UGT2A1: variants seen among roughly 807,000 people sequenced by gnomAD.
The protein encoded by UGT2A1 is UDP-glucuronosyltransferase 2A1.
Under a neutral mutation model 45.4 loss-of-function variants are expected in UGT2A1, and 61 were observed. The observed-to-expected ratio is 1.34, with a 90% CI of 1.09 to 1.66. The LOEUF (loss-of-function observed/expected upper bound fraction) is 1.66. Among genes scored for constraint, UGT2A1 ranks in the 40% most tolerant of loss-of-function variants. The pLI is 0.00. For missense variants in UGT2A1, 649 were observed against 574.3 expected, an observed-to-expected ratio of 1.13 and a Z score of -1.33; for synonymous variants, 229 against 196.2, an observed-to-expected ratio of 1.17 and a Z score of -1.40.
chr4:69,638,208 AATC>A (rs989114022), intron 2 of UGT2A1, among the ~76,000 whole-genome samples: 18 of 152,230 alleles, frequency 1.2e-4, no homozygotes, highest in Admixed American at 9.2e-4. Flanking sequence ...CTGGAGGCAA[AATC>A]ATCAAGAGAG....
intron 3 of UGT2A1, among the ~76,000 whole-genome samples, chr4:69,617,258 A>T (rs1447150854): frequency 6.6e-6 from 1 of 151,922 alleles, no homozygotes; most frequent in African/African-American, 2.4e-5. Flanking sequence ...TTCTTCAAGC[A>T]GTTTATCAAG....
rs1721658425 is a variant in UGT2A1, at chr4:69,635,828, C to CAGAAAAAAAAAAAAAA, written c.716-7_716-6insTTTTTTTTTTTTTTCT. The CAGAAAAAAAAAAAAAA allele has an allele frequency of 2.0e-5, 1 of 49,134 alleles. No individual in the cohort carries two copies. Among genetic ancestry groups the CAGAAAAAAAAAAAAAA allele is most frequent in the African/African-American group, 6.6e-5 (1 of 15,138 alleles). The allele number at this position is 49,134 out of a possible 1,614,324, so 3.0% of individuals were successfully genotyped here. A position where few individuals can be genotyped will look rare whatever the true frequency, so the allele number is the denominator to read the frequency against. On this transcript the variant is annotated splice_region_variant and splice_polypyrimidine_tract_variant and intron_variant, in intron 2 of 6. Coordinates refer to ENST00000286604, the MANE Select transcript of UGT2A1 (RefSeq NM_001252275.3). ...GCAACAGAGTAAGAGTCCACCTCAC[C>CAGAAAAAAAAAAAAAA]AAAAAAAAAAAAAAAAAAAAAAGAG...
intron 3 of UGT2A1, among the ~76,000 whole-genome samples, chr4:69,632,905 A>G (rs1161848277): frequency 6.6e-6 from 1 of 151,800 alleles, no homozygotes; most frequent in African/African-American, 2.4e-5. Context: ...AAAAAAAGTA[A>G]CTACATTTAA....
chr4:69,626,462 T>C (rs1241851930), intron 3 of UGT2A1, among the ~76,000 whole-genome samples: 1 of 151,662 alleles, frequency 6.6e-6, no homozygotes, highest in African/African-American at 2.4e-5. Flanking sequence ...TGTTTCAGTA[T>C]TTTCCTTACA....
chr4:69,613,565 C>T (rs1203721101), intron 3 of UGT2A1, among the ~76,000 whole-genome samples: 1 of 151,920 alleles, frequency 6.6e-6, no homozygotes, highest in Non-Finnish European at 1.5e-5. Context: ...AACATAGACA[C>T]AAACATCTTA....
At chr4:69,611,298 C>CTTTTTTTTTTTTTTTTTTTTTTTTTTT (rs1287210111) in intron 3 of UGT2A1, among the ~76,000 whole-genome samples, 2 of 149,520 alleles carry the variant, frequency 1.3e-5, no homozygotes, top group African/African-American at 5.0e-5. Flanking sequence ...TCCAGCTATT[C>CTTTTTTTTTTTTTTTTTTTTTTTTTTT]TTAATGCTAT....
intron 2 of UGT2A1, among the ~76,000 whole-genome samples, chr4:69,636,837 A>G (rs1721737748): frequency 6.6e-6 from 1 of 152,134 alleles, no homozygotes; most frequent in South Asian, 2.1e-4. Context: ...ATATAGTGAA[A>G]TTTTTAACCC....
intron 3 of UGT2A1, among the ~76,000 whole-genome samples, chr4:69,605,891 A>C (rs1163534855): frequency 7.3e-6 from 1 of 137,010 alleles, no homozygotes; most frequent in African/African-American, 3.0e-5. Flanking sequence ...TGAATCTCTG[A>C]ATAGACCAAT....
chr4:69,591,128 T>G (rs186833029), intron 6 of UGT2A1, among the ~76,000 whole-genome samples: 1 of 152,264 alleles, frequency 6.6e-6, no homozygotes, highest in East Asian at 1.9e-4. Flanking sequence ...ATCAATAGTT[T>G]TGTCAATGAA....
intron 2 of UGT2A1, among the ~76,000 whole-genome samples, chr4:69,646,702 C>A (rs1011709151): frequency 6.6e-6 from 1 of 151,712 alleles, no homozygotes; most frequent in Non-Finnish European, 1.5e-5. Context: ...TATATTTTAT[C>A]CATAAAAGAA....
In UGT2A1 at chr4:69,588,744, G is replaced by A. The variant is rs1164782525; in HGVS notation, c.*628C>T. ...TATATAAGAATATATGTTGAAGAAA[G>A]GCAGGCAAGTTATGCCGTGATTTTC... is the stretch of plus-strand genomic sequence containing the variant. On this transcript the variant is annotated 3_prime_UTR_variant, in exon 7 of 7. Coordinates refer to ENST00000286604, the MANE Select transcript of UGT2A1 (RefSeq NM_001252275.3). The A allele has an allele frequency of 6.6e-6, 1 of 151,964 alleles. No homozygotes were observed. The highest frequency in any genetic ancestry group is 1.5e-5 in the Non-Finnish European group (1 of 67,996). The allele number at this position is 151,964 out of a possible 1,614,324, so 9.4% of individuals were successfully genotyped here.
chr4:69,624,359 G>T (rs1720918144), intron 3 of UGT2A1, among the ~76,000 whole-genome samples: 1 of 150,672 alleles, frequency 6.6e-6, no homozygotes, highest in East Asian at 1.9e-4. Context: ...TTTTCTTTAT[G>T]AGTTTCTTAA....
chr4:69,589,103 T>C lies in UGT2A1; in HGVS notation c.*269A>G. On this transcript the variant is annotated 3_prime_UTR_variant, in exon 7 of 7. Transcript: ENST00000286604. ...ATAGAACATATTTAAAATTAGGTAG[T>C]ATCCTTGTGTCAGAAAAGTGACAGG... The C allele has an allele frequency of 3.4e-6, 1 of 291,262 alleles. No individual in the cohort carries two copies. The highest frequency in any genetic ancestry group is 6.4e-5 in the East Asian group (1 of 15,608). The allele number at this position is 291,262 out of a possible 1,614,324, so 18.0% of individuals were successfully genotyped here.
At chr4:69,597,410 C>T (rs1229998158) in intron 4 of UGT2A1, among the ~76,000 whole-genome samples, 2 of 152,018 alleles carry the variant, frequency 1.3e-5, no homozygotes, top group African/African-American at 4.8e-5. Context: ...TAGGTAATTA[C>T]TTATAGTTTT....
intron 3 of UGT2A1, among the ~76,000 whole-genome samples, chr4:69,611,137 T>G (rs1720014774): frequency 6.6e-6 from 1 of 151,802 alleles, no homozygotes; most frequent in Admixed American, 6.6e-5. Context: ...TACTGTTTTT[T>G]GGGTTTTTGT....
At position 69,589,512 on chromosome 4, in the gene UGT2A1, T is replaced by C. The variant is rs774158000; in HGVS notation, c.1444A>G (p.Thr482Ala). 2 of 1,614,080 alleles carry C rather than the reference T, an allele frequency of 1.2e-6. No individual in the cohort carries two copies. The highest frequency in any genetic ancestry group is 1.1e-5 in the South Asian group (1 of 91,084). The part of the protein sequence containing the change: ...KHLRVAAHDL[T>A]WFQYHSLDVI... ...TCCAAAGAGTGGTACTGGAACCAGG[T>C]GAGGTCATGGGCTGCAACCCGAAGG... Residue 482 changes from threonine (T) to alanine (A), a missense_variant, in exon 7 of 7, where the codon ACC becomes GCC. By Grantham distance (58) the Thr-to-Ala change is moderately conservative (BLOSUM62 0). Transcript: ENST00000286604.
intron 1 of UGT2A1, among the ~76,000 whole-genome samples, chr4:69,652,970 T>C (rs1722609377): frequency 6.6e-6 from 1 of 152,196 alleles, no homozygotes; most frequent in Non-Finnish European, 1.5e-5. Flanking sequence ...TCCACACAGT[T>C]CCCTCGATAT....
intron 3 of UGT2A1, among the ~76,000 whole-genome samples, chr4:69,617,137 T>C (rs991041330): frequency 6.6e-6 from 1 of 151,956 alleles, no homozygotes; most frequent in African/African-American, 2.4e-5. Context: ...TATTCAACAA[T>C]AAACTATGTG....
At position 69,589,323 on chromosome 4, in the gene UGT2A1, C is replaced by T; in HGVS notation, c.*49G>A. The T allele has an allele frequency of 6.6e-7, 1 of 1,519,146 alleles. No homozygotes were observed. Among genetic ancestry groups the T allele is most frequent in the Non-Finnish European group, 8.8e-7 (1 of 1,133,734 alleles). 94.1% of individuals were successfully genotyped at this position (1,519,146 alleles called of 1,614,324 possible). The stretch of plus-strand genomic sequence containing the variant: ...CTGGAATTAATAGGACTACACTACT[C>T]AGGATTTTGCCAAACTTAAAAATAT... On this transcript the variant is annotated 3_prime_UTR_variant, in exon 7 of 7. Coordinates refer to ENST00000286604, the MANE Select transcript of UGT2A1 (RefSeq NM_001252275.3).
Sources: gnomAD v4.1 joint callset for allele counts (sites outside exome capture counted in the v4.1 genomes callset) on GRCh38, gnomAD v4.1.1 for gene constraint, MANE v1.5 for transcripts, NCBI Gene and HGNC (gene_info 2026-07-23, HGNC 2026-07-21) for gene names.